The following ZKSCAN5 variants were observed in gnomAD, a reference collection of about 807,000 sequenced individuals.
ZKSCAN5 encodes zinc finger protein with KRAB and SCAN domains 5.
In ZKSCAN5, 28 loss-of-function variants were observed where a neutral mutation model predicts 60.0. That is an observed-to-expected ratio of 0.47 (90% confidence interval 0.35 to 0.64). ZKSCAN5 has a LOEUF of 0.64. Among genes scored for constraint, ZKSCAN5 ranks in the 30% least tolerant of loss-of-function variants. The pLI is 0.01. For synonymous variants in ZKSCAN5, 361 were observed against 371.2 expected (o/e 0.97, Z 0.31); for missense variants, 881 against 1,034.6 (o/e 0.85, Z 2.04).
intron 2 of ZKSCAN5, among the ~76,000 whole-genome samples, chr7:99,509,249 A>C (rs1029431312): frequency 6.6e-6 from 1 of 152,134 alleles, no homozygotes; most frequent in African/African-American, 2.4e-5. Context: ...TCTGCCTTCC[A>C]AAGTGGTGGG....
At chr7:99,526,514 C>CT in intron 6 of ZKSCAN5, 96 bp downstream of exon 6, 1 of 1,499,806 alleles carries the variant, frequency 6.7e-7, no homozygotes, top group South Asian at 1.3e-5. Context: ...GGTGGTGATA[C>CT]TGGGGGGGGT....
In ZKSCAN5 at chr7:99,531,844, T is replaced by C. The variant is rs1802062293; in HGVS notation, c.2115T>C (p.Ile705=). The stretch of plus-strand genomic sequence containing the variant: ...CATATAGTTGGAACTTGACAGTGAT[T>C]GAAGACAAGAAGATTGAGTTACAAG... ...EEAYSWNLTV[I]EDKKIELQEQ... The change falls in exon 7 of 7, where the codon ATT becomes ATC. Residue 705 remains isoleucine (I), a synonymous_variant. Coordinates refer to ENST00000326775, the MANE Select transcript of ZKSCAN5 (RefSeq NM_145102.4). The C allele has an allele frequency of 1.2e-6, 2 of 1,614,220 alleles. No individual in the cohort carries two copies. The highest frequency in any genetic ancestry group is 1.7e-6 in the Non-Finnish European group (2 of 1,180,048).
At chr7:99,524,623 T>C (rs757434580) in intron 5 of ZKSCAN5, among the ~76,000 whole-genome samples, 1 of 152,238 alleles carries the variant, frequency 6.6e-6, no homozygotes, top group African/African-American at 2.4e-5. Context: ...GAACTAATTA[T>C]AGCCACTGAA....
chr7:99,512,701 A>C (rs541921759), intron 3 of ZKSCAN5, 110 bp downstream of exon 3: 259 of 1,406,212 alleles, frequency 1.8e-4, no homozygotes, highest in Non-Finnish European at 2.3e-4. Context: ...GCCTCTCTAC[A>C]GCCTGCAGGG....
chr7:99,527,747 C>T (rs1450745347), intron 6 of ZKSCAN5, among the ~76,000 whole-genome samples: 1 of 152,030 alleles, frequency 6.6e-6, no homozygotes, highest in Non-Finnish European at 1.5e-5. Flanking sequence ...TGCAATGGCA[C>T]GATCTCAGCT....
intron 3 of ZKSCAN5, among the ~76,000 whole-genome samples, chr7:99,519,039 G>A (rs187661433): frequency 1.3e-4 from 19 of 145,566 alleles, no homozygotes; most frequent in African/African-American, 3.9e-4. Flanking sequence ...GCAGTGGCAC[G>A]ATCTTGGCTC....
chr7:99,506,430 A>G lies in ZKSCAN5; in HGVS notation c.386A>G (p.Gln129Arg). Residue 129 changes from glutamine to arginine, a missense_variant, in exon 2 of 7, where the codon CAG becomes CGG. By Grantham distance (43) the Gln-to-Arg change is conservative (BLOSUM62 1). Around this residue, in one of 5 missense-constraint regions of ZKSCAN5, gnomAD observed 490 missense variants for 554.5 expected, o/e 0.88. Transcript: ENST00000326775. ...GCGGTGGCCGTGATAGAAAATATACAGCGAGAACTTGAGGAACGCAGACAG... is the reference window on the plus strand; with the variant it reads ...GCGGTGGCCGTGATAGAAAATATACGGCGAGAACTTGAGGAACGCAGACAG... ...EEAVAVIENI[Q>R]RELEERRQQI... 1 of 1,613,080 alleles carries G rather than the reference A, an allele frequency of 6.2e-7. No homozygotes were observed. The highest frequency in any genetic ancestry group is 8.5e-7 in the Non-Finnish European group (1 of 1,179,168).
intron 6 of ZKSCAN5, among the ~76,000 whole-genome samples, chr7:99,528,842 G>A (rs1490715795): frequency 6.6e-6 from 1 of 152,208 alleles, no homozygotes; most frequent in Admixed American, 6.5e-5. Context: ...CAGAGATACA[G>A]TCCATGCTCT....
intron 5 of ZKSCAN5, among the ~76,000 whole-genome samples, chr7:99,524,230 C>G (rs1056897226): frequency 7.9e-5 from 12 of 152,064 alleles, no homozygotes; most frequent in African/African-American, 2.7e-4. Context: ...GCCACGACGC[C>G]TGGCTAATTT....
At chr7:99,511,835 G>C (rs897015420) in intron 2 of ZKSCAN5, among the ~76,000 whole-genome samples, 1 of 151,924 alleles carries the variant, frequency 6.6e-6, no homozygotes, top group African/African-American at 2.4e-5. Context: ...TGTCACCCAG[G>C]CTAGAGTGCA....
intron 2 of ZKSCAN5, among the ~76,000 whole-genome samples, chr7:99,508,870 A>G (rs186636343): frequency 4.0e-5 from 6 of 148,388 alleles, no homozygotes; most frequent in South Asian, 4.2e-4. Context: ...CTGTAGTGCA[A>G]TGGTGCAATT....
intron 6 of ZKSCAN5, among the ~76,000 whole-genome samples, chr7:99,530,183 G>A (rs1330790706): frequency 6.0e-5 from 9 of 150,706 alleles, no homozygotes; most frequent in East Asian, 2.0e-4. Context: ...ACAGGCGCCC[G>A]CCACCATGCC....
At chr7:99,506,530 T>C (rs1318702539) in intron 2 of ZKSCAN5, 72 bp downstream of exon 2, 17 of 1,496,500 alleles carry the variant, frequency 1.1e-5, no homozygotes, top group Non-Finnish European at 1.5e-5. Context: ...GGTGAGATTC[T>C]TAGTCCTCTG....
At chr7:99,508,021 C>T (rs771828513) in intron 2 of ZKSCAN5, among the ~76,000 whole-genome samples, 2 of 152,024 alleles carry the variant, frequency 1.3e-5, no homozygotes. Context: ...ATGTGTAGGC[C>T]GGGCACGGTA....
chr7:99,506,831 C>A (rs1370810493), intron 2 of ZKSCAN5, among the ~76,000 whole-genome samples: 1 of 151,756 alleles, frequency 6.6e-6, no homozygotes, highest in South Asian at 2.1e-4. Context: ...TGCAGGCGTC[C>A]GCCACCAGGC....
intron 5 of ZKSCAN5, among the ~76,000 whole-genome samples, chr7:99,523,155 C>A (rs1801616092): frequency 9.2e-6 from 1 of 108,506 alleles, no homozygotes; most frequent in Non-Finnish European, 1.7e-5. Context: ...CAATGTGAGA[C>A]CCTATCTCAA....
At position 99,506,086 on chromosome 7, in the gene ZKSCAN5, C is replaced by G; in HGVS notation, c.42C>G (p.Pro14=). The G allele has an allele frequency of 6.2e-7, 1 of 1,614,120 alleles. No homozygotes were observed. The highest frequency in any genetic ancestry group is 8.5e-7 in the Non-Finnish European group (1 of 1,180,014). Residue 14 remains proline, a synonymous_variant, in exon 2 of 7, where the codon CCC becomes CCG. Coordinates refer to ENST00000326775, the MANE Select transcript of ZKSCAN5 (RefSeq NM_145102.4). ...CCCGAGAAGTTATAGACTTAGACCC[C>G]CCAGCTGAGACTTCCCAGGAGCAGG... is the stretch of plus-strand genomic sequence containing the variant. ...TESREVIDLD[P]PAETSQEQED...
intron 3 of ZKSCAN5, among the ~76,000 whole-genome samples, chr7:99,514,198 T>C (rs1171646279): frequency 1.3e-5 from 2 of 152,218 alleles, no homozygotes; most frequent in Admixed American, 6.6e-5. Flanking sequence ...AAGAATGCCA[T>C]TTCCCTTTTT....
intron 2 of ZKSCAN5, among the ~76,000 whole-genome samples, chr7:99,509,828 T>A (rs1800937206): frequency 6.6e-6 from 1 of 152,194 alleles, no homozygotes; most frequent in Non-Finnish European, 1.5e-5. Context: ...TCTGTTTATA[T>A]TCCTTATCTA....
Sources: allele counts gnomAD v4.1 joint callset (sites outside exome capture counted in the v4.1 genomes callset), GRCh38; gene constraint gnomAD v4.1.1; regional missense constraint gnomAD v4.1.1; transcripts MANE v1.5; gene names NCBI Gene and HGNC (gene_info 2026-07-23, HGNC 2026-07-21).